Variants in PAAF1 observed in about 807,000 individuals in gnomAD.
PAAF1 encodes the protein proteasomal ATPase associated factor 1, also known as proteasomal ATPase-associated factor 1.
Under a neutral mutation model 52.8 loss-of-function variants are expected in PAAF1, and 46 were observed. The ratio of observed to expected loss-of-function variants is 0.87; its 90% CI spans 0.69 to 1.11. PAAF1 has a LOEUF of 1.11. Ranked by LOEUF, PAAF1 falls within the 50% of genes most tolerant of loss-of-function variation. The pLI is 0.00. For missense variants in PAAF1, 424 were observed against 477.4 expected (o/e 0.89, Z 1.04); for synonymous variants, 178 against 172.8 (o/e 1.03, Z -0.24).
intron 9 of PAAF1, among the ~76,000 whole-genome samples, chr11:73,918,256 C>G (rs1950120489): frequency 6.6e-6 from 1 of 151,714 alleles, no homozygotes; most frequent in African/African-American, 2.4e-5. Flanking sequence ...CTGCTCTGAC[C>G]TTACCTGCCA....
At chr11:73,918,035 G>C (rs1437327451) in intron 9 of PAAF1, among the ~76,000 whole-genome samples, 1 of 152,208 alleles carries the variant, frequency 6.6e-6, no homozygotes, top group East Asian at 1.9e-4. Flanking sequence ...AGGTGAGACT[G>C]CTTCTCCAAG....
At chr11:73,917,858 G>A (rs538853416) in intron 9 of PAAF1, among the ~76,000 whole-genome samples, 200 of 148,894 alleles carry the variant, frequency 1.3e-3, no homozygotes, top group Admixed American at 6.6e-3. Context: ...GCAACAGAGC[G>A]AGACTCTATC....
chr11:73,897,605 C>T (rs1949445003), intron 4 of PAAF1, among the ~76,000 whole-genome samples: 1 of 151,014 alleles, frequency 6.6e-6, no homozygotes, highest in African/African-American at 2.4e-5. Context: ...GGAAGAGGCG[C>T]TCCTCACTTC....
At chr11:73,893,546 G>C (rs1230848000) in intron 4 of PAAF1, among the ~76,000 whole-genome samples, 1 of 151,766 alleles carries the variant, frequency 6.6e-6, no homozygotes, top group Non-Finnish European at 1.5e-5. Flanking sequence ...AGACCAGCCT[G>C]GACAACATGG....
At chr11:73,906,964 G>A (rs1949775011) in intron 6 of PAAF1, among the ~76,000 whole-genome samples, 1 of 152,074 alleles carries the variant, frequency 6.6e-6, no homozygotes, top group African/African-American at 2.4e-5. Context: ...AGCCCTGCCT[G>A]GATCACCATA....
chr11:73,925,156 C>CAAAA (rs34408861), intron 11 of PAAF1, among the ~76,000 whole-genome samples: 2 of 61,750 alleles, frequency 3.2e-5, no homozygotes, highest in Non-Finnish European at 6.4e-5. Flanking sequence ...GACTCCATCT[C>CAAAA]AAAAAAAAAA....
intron 6 of PAAF1, among the ~76,000 whole-genome samples, chr11:73,908,469 A>G (rs1164113771): frequency 2.6e-5 from 4 of 151,118 alleles, no homozygotes; most frequent in Admixed American, 6.6e-5. Context: ...CAGTGGAGCA[A>G]TCATGGCTTA....
chr11:73,915,341 C>T (rs927795347), intron 8 of PAAF1, among the ~76,000 whole-genome samples: 9 of 152,294 alleles, frequency 5.9e-5, no homozygotes, highest in Admixed American at 1.3e-4. Flanking sequence ...CATAGTGGCT[C>T]ATGCCTGTAA....
intron 4 of PAAF1, among the ~76,000 whole-genome samples, chr11:73,894,664 T>A (rs981761985): frequency 1.8e-4 from 27 of 147,456 alleles, no homozygotes; most frequent in Non-Finnish European, 3.0e-4. Context: ...AAAATAAAAA[T>A]AAAAAAAAAA....
rs1332466368 is a variant in PAAF1 at position 73,914,420 on chromosome 11, G to A, written c.735G>A (p.Arg245=). 2 of 1,613,992 alleles carry A rather than the reference G, an allele frequency of 1.2e-6. No homozygotes were observed. The highest frequency in any genetic ancestry group is 3.3e-4 in the Middle Eastern group (2 of 6,054). ...AGTTTATTTGTCATGCAGGTGAACG[G>A]GAGGTTGGAACAGAGGCCAAAATGC... ...LGSPEQMPSE[R]EVGTEAKMLL... is the part of the protein sequence containing the mutation. Residue 245 remains arginine (R), a synonymous_variant, in exon 8 of 12, where the codon CGG becomes CGA. Transcript: ENST00000310571.
At chr11:73,910,338 T>C (rs112915411) in intron 7 of PAAF1, among the ~76,000 whole-genome samples, 110 of 152,236 alleles carry the variant, frequency 7.2e-4, no homozygotes, top group African/African-American at 1.3e-3. Context: ...AGAGGATAAG[T>C]TGAAGTTGAA....
At position 73,900,299 on chromosome 11, in the gene PAAF1, GAATTGTTGCAGGTTTTTCCC is replaced by G; in HGVS notation, c.413_432del (p.Asn138IlefsTer20). ...TATTGGAAGGACATGTGTTTGATGT[GAATTGTTGCAGGTTTTTCCC>G]ATCAGGCCTTGTGGTCCTGAGTGGG... On this transcript the variant is annotated frameshift_variant, in exon 6 of 12. Transcript: ENST00000310571. LOFTEE classifies it high-confidence loss of function. 6.2e-7 allele frequency: 1 copy of G among 1,611,406 alleles called. No homozygotes were observed. The highest frequency in any genetic ancestry group is 8.5e-7 in the Non-Finnish European group (1 of 1,178,432).
chr11:73,908,381 A>ATG (rs1565143883), intron 6 of PAAF1, among the ~76,000 whole-genome samples: 23 of 136,952 alleles, frequency 1.7e-4, no homozygotes, highest in African/African-American at 5.1e-4. Flanking sequence ...ATGTATATAT[A>ATG]TGTGTGTATA....
At chr11:73,922,098 G>A in intron 10 of PAAF1, 1 of 920,430 alleles carries the variant, frequency 1.1e-6, no homozygotes, top group Non-Finnish European at 1.7e-6. Flanking sequence ...CTCTCTGGGG[G>A]CAGGTCCTTT....
intron 10 of PAAF1, among the ~76,000 whole-genome samples, chr11:73,920,410 G>C (rs960873677): frequency 3.3e-5 from 5 of 151,624 alleles, no homozygotes; most frequent in Admixed American, 6.6e-5. Flanking sequence ...TCATTTCTGT[G>C]GTCCCAGCTA....
intron 7 of PAAF1, among the ~76,000 whole-genome samples, 193 bp from the exon 8 acceptor site, chr11:73,914,220 A>G (rs761236941): frequency 2.6e-5 from 4 of 152,258 alleles, no homozygotes; most frequent in Non-Finnish European, 1.5e-5. Context: ...TTAATTGTAT[A>G]GTTCTGTGAG....
At chr11:73,897,719 C>A (rs1020539865) in intron 4 of PAAF1, among the ~76,000 whole-genome samples, 1 of 151,630 alleles carries the variant, frequency 6.6e-6, no homozygotes, top group Non-Finnish European at 1.5e-5. Flanking sequence ...GGCAGAGGGG[C>A]TCCTCACATC....
Position 73,929,229 on chromosome 11 carries a change from G to A in PAAF1, c.*1867G>A, listed in dbSNP as rs887303874. 6.7e-6 allele frequency: 1 copy of A among 149,242 alleles called. No individual in the cohort carries two copies. The highest frequency in any genetic ancestry group is 1.5e-5 in the Non-Finnish European group (1 of 67,334). 9.2% of individuals were successfully genotyped at this position (149,242 alleles called of 1,614,324 possible). On this transcript the variant is annotated 3_prime_UTR_variant, in exon 12 of 12. Coordinates refer to ENST00000310571, the MANE Select transcript of PAAF1 (RefSeq NM_025155.3). ...ACTCGGCTAATTTTTTAAATTTTTT[G>A]TAGAGACAGAGTCTCACCATGTTGC...
chr11:73,905,513 T>A (rs970262494), intron 6 of PAAF1, among the ~76,000 whole-genome samples: 1 of 152,162 alleles, frequency 6.6e-6, no homozygotes, highest in Admixed American at 6.6e-5. Flanking sequence ...TGAGCTACCA[T>A]GCCTAGCCAA....
Sources: gnomAD v4.1 joint callset for allele counts (sites outside exome capture counted in the v4.1 genomes callset) on GRCh38, gnomAD v4.1.1 for gene constraint, MANE v1.5 for transcripts, NCBI Gene and HGNC (gene_info 2026-07-23, HGNC 2026-07-21) for gene names.